The following UCP3 variants were observed in gnomAD, a reference collection of about 807,000 sequenced individuals.
UCP3 encodes the protein uncoupling protein 3.
In UCP3, 24 loss-of-function variants were observed where a neutral mutation model predicts 28.1. The ratio of observed to expected loss-of-function variants is 0.85; its 90% CI spans 0.62 to 1.20. The LOEUF (loss-of-function observed/expected upper bound fraction) is 1.20. Ranked by LOEUF, UCP3 falls within the 50% of genes most tolerant of loss-of-function variation. UCP3 has a pLI of 0.00. For synonymous variants in UCP3, 184 were observed against 171.2 expected (o/e 1.07, Z -0.59); for missense variants, 397 against 422.2 (o/e 0.94, Z 0.52).
chr11:74,006,431 C>T, intron 2 of UCP3, 52 bp from the exon 3 acceptor site: 1 of 1,468,026 alleles, frequency 6.8e-7, no homozygotes. Context: ...CAAGAAGGGG[C>T]TGCGTGCACA....
At chr11:74,001,610 G>T in intron 6 of UCP3, 84 bp from the exon 7 acceptor site, 1 of 1,184,970 alleles carries the variant, frequency 8.4e-7, no homozygotes, top group South Asian at 1.2e-5. Flanking sequence ...CACAGTGGTA[G>T]TGCCAGAGGA....
rs1459572523 is a variant in UCP3 at position 74,005,828 on chromosome 11, A to G, written c.443T>C (p.Ile148Thr). 6.2e-7 allele frequency: 1 copy of G among 1,614,170 alleles called. No homozygotes were observed. The highest frequency in any genetic ancestry group is 8.5e-7 in the Non-Finnish European group (1 of 1,180,046). Residue 148 changes from isoleucine to threonine, a missense_variant, in exon 4 of 7, where the codon ATA (isoleucine) becomes ACA (threonine). Physicochemically the swap from Ile to Thr is moderately conservative, Grantham distance 89 (BLOSUM62 -1). Coordinates refer to ENST00000314032, the MANE Select transcript of UCP3 (RefSeq NM_003356.4). ...DVVKVRFQAS[I>T]HLGPSRSDRK... ...GTCGCTCCTGGATGGCCCGAGGTGT[A>G]TGCTGGCCTGAAATCGGACCTTCAC...
intron 6 of UCP3, chr11:74,003,620 G>A: frequency 2.9e-6 from 4 of 1,367,724 alleles, no homozygotes; most frequent in Non-Finnish European, 3.8e-6. Flanking sequence ...TGGAGTGTTT[G>A]TTCTCAGTCA....
At chr11:74,004,894 G>A (rs187812019) in intron 4 of UCP3, among the ~76,000 whole-genome samples, 2 of 152,308 alleles carry the variant, frequency 1.3e-5, no homozygotes, top group African/African-American at 4.8e-5. Context: ...TATGCTTCCT[G>A]GAGACCCAGC....
chr11:74,004,677 G>A, intron 4 of UCP3, 92 bp from the exon 5 acceptor site: 1 of 1,296,034 alleles, frequency 7.7e-7, no homozygotes, highest in South Asian at 1.3e-5. Flanking sequence ...CAAGGCCACA[G>A]GCCCCAGTTT....
In UCP3 at chr11:74,004,485, A is replaced by T. The variant is rs774754409; in HGVS notation, c.642T>A (p.Thr214=). Residue 214 remains threonine, a splice_region_variant and synonymous_variant, in exon 5 of 7, where the codon ACT becomes ACA. Coordinates refer to ENST00000314032, the MANE Select transcript of UCP3 (RefSeq NM_003356.4). ...KEKLLDYHLL[T]DNFPCHFVSA... ...CCTGCCTGGAGCCCAGGGCCTCACC[A>T]GTGAGCAGGTGGTAGTCCAGCAGCT... The T allele has an allele frequency of 6.2e-7, 1 of 1,613,446 alleles. No individual in the cohort carries two copies. Among genetic ancestry groups the T allele is most frequent in the East Asian group, 2.2e-5 (1 of 44,880 alleles).
chr11:74,007,086 G>C lies in UCP3; in HGVS notation c.-44C>G. The stretch of plus-strand genomic sequence containing the variant: ...CCAGTCCCTTTAGGGCCGAGAGGAG[G>C]TCCAAGGAGAGAGGCTGCTCCACAG... On this transcript the variant is annotated 5_prime_UTR_variant, in exon 2 of 7. Coordinates refer to ENST00000314032, the MANE Select transcript of UCP3 (RefSeq NM_003356.4). 1 of 1,610,002 alleles carries C rather than the reference G, an allele frequency of 6.2e-7. No individual in the cohort carries two copies. Among genetic ancestry groups the C allele is most frequent in the Non-Finnish European group, 8.5e-7 (1 of 1,179,010 alleles).
Position 74,001,497 on chromosome 11 carries a change from G to T in UCP3, c.854C>A (p.Ser285Tyr). 6.2e-7 allele frequency: 1 copy of T among 1,614,074 alleles called. No individual in the cohort carries two copies. Among genetic ancestry groups the T allele is most frequent in the South Asian group, 1.1e-5 (1 of 91,074 alleles). ...GGTTACGAACATCACCACGTTCCAGGATCCCAAACGCAAAAAGGAGGGTGT... is the reference window on the plus strand; with the variant it reads ...GGTTACGAACATCACCACGTTCCAGTATCCCAAACGCAAAAAGGAGGGTGT... ...GFTPSFLRLG[S>Y]WNVVMFVTYE... is the part of the protein sequence containing the mutation. Residue 285 changes from serine (S) to tyrosine (Y), a missense_variant, in exon 7 of 7, where the codon TCC becomes TAC. Coordinates refer to ENST00000314032, the MANE Select transcript of UCP3 (RefSeq NM_003356.4).
At chr11:74,002,206 C>T (rs910868861) in intron 6 of UCP3, 15 of 154,052 alleles carry the variant, frequency 9.7e-5, no homozygotes, top group South Asian at 2.0e-4. Flanking sequence ...CATTCCCTGA[C>T]GATGCCAGGC....
intron 1 of UCP3, among the ~76,000 whole-genome samples, chr11:74,008,506 C>G (rs1951682952): frequency 6.6e-6 from 1 of 152,178 alleles, no homozygotes; most frequent in Non-Finnish European, 1.5e-5. Context: ...TGGGCAGAGA[C>G]CATGGGCTCT....
In UCP3 at chr11:74,006,924, C is replaced by A. The variant is rs573218240; in HGVS notation, c.119G>T (p.Arg40Leu). The A allele has an allele frequency of 6.2e-7, 1 of 1,614,164 alleles. No individual in the cohort carries two copies. Among genetic ancestry groups the A allele is most frequent in the South Asian group, 1.1e-5 (1 of 91,084 alleles). ...VTFPLDTAKV[R>L]LQIQGENQAV... Reference sequence around the variant, plus strand: ...TGGCCAAAGGGCACCTACCTGCAGGCGGACCTTGGCTGTGTCCAGTGGAAA... The same window carrying A: ...TGGCCAAAGGGCACCTACCTGCAGGAGGACCTTGGCTGTGTCCAGTGGAAA... The change falls in exon 2 of 7, where the codon CGC becomes CTC. Residue 40 changes from arginine (R) to leucine (L), a missense_variant. By Grantham distance (102) the Arg-to-Leu change is moderately radical (BLOSUM62 -2). Transcript: ENST00000314032.
chr11:74,001,923 C>G (rs1396400615), intron 6 of UCP3: 1 of 281,112 alleles, frequency 3.6e-6, no homozygotes, highest in African/African-American at 2.2e-5. Flanking sequence ...TGTTTCTGGG[C>G]TCAGTTACAC....
rs142107918 is a variant in UCP3, at chr11:74,005,485, G to C, written c.541+245C>G. On this transcript the variant is annotated intron_variant, in intron 4 of 6. Transcript: ENST00000314032. ...CCTCTGCTGTCCTCATGCCCTGGGC[G>C]TGTGAAGGTGTCTTAAGTTCATTTC... is the stretch of plus-strand genomic sequence containing the variant. 4.6e-5 allele frequency among the ~76,000 whole-genome samples: 7 copies of C among 152,222 alleles called. No individual in the cohort carries two copies. In the South Asian group the frequency reaches 1.4e-3, roughly 31 times the overall value.
rs201405748 is a variant in UCP3 at position 74,005,790 on chromosome 11, C to T, written c.481G>A (p.Gly161Arg). The T allele has an allele frequency of 2.2e-5, 35 of 1,614,166 alleles. No individual in the cohort carries two copies. Among genetic ancestry groups the T allele is most frequent in the South Asian group, 2.2e-5 (2 of 91,086 alleles). ...ATGGTTCTGTAGGCGTCCATAGTCC[C>T]GCTGTATTTTCTGTCGCTCCTGGAT... ...GPSRSDRKYS[G>R]TMDAYRTIAR... The change falls in exon 4 of 7, where the codon GGG becomes AGG. Residue 161 changes from glycine to arginine, a missense_variant. Coordinates refer to ENST00000314032, the MANE Select transcript of UCP3 (RefSeq NM_003356.4).
chr11:74,006,881 C>A, intron 2 of UCP3, 36 bp downstream of exon 2: 1 of 1,614,046 alleles, frequency 6.2e-7, no homozygotes, highest in Non-Finnish European at 8.5e-7. Flanking sequence ...CCCCTCCTTC[C>A]ATGTGATCAA....
Position 74,007,130 on chromosome 11 carries a change from C to T in UCP3, c.-88G>A, listed in dbSNP as rs1007771164. The T allele has an allele frequency of 2.5e-5, 39 of 1,549,554 alleles. No homozygotes were observed. The highest frequency in any genetic ancestry group is 5.4e-5 in the African/African-American group (4 of 73,440). ...TCCACAGCCCTGGGCTTCAGTGCAGCGGTGGGGCTGCAGGAGACAGGCCAG... is the reference window on the plus strand; with the variant it reads ...TCCACAGCCCTGGGCTTCAGTGCAGTGGTGGGGCTGCAGGAGACAGGCCAG... On this transcript the variant is annotated 5_prime_UTR_variant, in exon 2 of 7. Transcript: ENST00000314032.
At chr11:74,003,481 G>A (rs1951635409) in intron 6 of UCP3, 4 of 1,014,486 alleles carry the variant, frequency 3.9e-6, no homozygotes, top group African/African-American at 1.7e-5. Context: ...AGAAAACGTG[G>A]AGCGTGTGGA....
Position 74,002,741 on chromosome 11 carries a change from A to T in UCP3, c.824+1086T>A, listed in dbSNP as rs1268612657. The T allele has an allele frequency of 5.1e-6, 5 of 985,228 alleles. 1 individual carries two copies. In the South Asian group the frequency reaches 2.3e-4, roughly 46 times the overall value. 61.0% of individuals were successfully genotyped at this position (985,228 alleles called of 1,614,324 possible). A position where few individuals can be genotyped will look rare whatever the true frequency, so the allele number is the denominator to read the frequency against. ...CTACAGCTGAAGACTGTAATGATAG[A>T]GGCACTTTTTGGAAGAACAGTCTGT... On this transcript the variant is annotated intron_variant, in intron 6 of 6. Transcript: ENST00000314032.
chr11:74,006,737 T>C (rs1358239826), intron 2 of UCP3, among the ~76,000 whole-genome samples, 180 bp downstream of exon 2: 1 of 152,162 alleles, frequency 6.6e-6, no homozygotes, highest in African/African-American at 2.4e-5. Context: ...GCAAAGAATT[T>C]AGATTTTTTT....
Sources: allele counts gnomAD v4.1 joint callset (sites outside exome capture counted in the v4.1 genomes callset), GRCh38; gene constraint gnomAD v4.1.1; transcripts MANE v1.5; gene names NCBI Gene and HGNC (gene_info 2026-07-23, HGNC 2026-07-21).